Variants in PRPS2 observed in about 807,000 individuals in gnomAD.
PRPS2 encodes the protein phosphoribosyl pyrophosphate synthetase 2.
For missense variants in PRPS2, 104 were observed against 271.5 expected (o/e 0.38, Z 4.34); for synonymous variants, 111 against 115.3 (o/e 0.96, Z 0.24).
intron 1 of PRPS2, among the ~76,000 whole-genome samples, chrX:12,792,064 A>G (rs1435473697): frequency 1.8e-5 from 2 of 113,076 alleles, no homozygotes; most frequent in East Asian, 2.8e-4. Flanking sequence ...CCGCGTCCCT[A>G]CAAAGCTGAA....
intron 4 of PRPS2, among the ~76,000 whole-genome samples, chrX:12,810,850 TAA>T (rs540857235): frequency 3.1e-4 from 28 of 89,457 alleles, no homozygotes; most frequent in Non-Finnish European, 2.9e-4. Flanking sequence ...ACCCTGACTC[TAA>T]AAAAAAAAAA....
chrX:12,804,676 T>A (rs777029430), intron 2 of PRPS2, among the ~76,000 whole-genome samples: 50 of 110,872 alleles, frequency 4.5e-4, no homozygotes, highest in Admixed American at 3.6e-3. Context: ...CCAAGCATGA[T>A]TGGGGTGGGG....
intron 4 of PRPS2, among the ~76,000 whole-genome samples, chrX:12,815,247 G>A (rs2042641663): frequency 9.0e-6 from 1 of 111,470 alleles, no homozygotes; most frequent in African/African-American, 3.3e-5. Context: ...CAAGTGAGAT[G>A]TCTGTGTCCC....
intron 2 of PRPS2, among the ~76,000 whole-genome samples, chrX:12,808,976 G>A (rs1219741704): frequency 8.9e-6 from 1 of 112,189 alleles, no homozygotes; most frequent in Non-Finnish European, 1.9e-5. Context: ...ATGTACATAT[G>A]TTTAACTGTT....
intron 4 of PRPS2, among the ~76,000 whole-genome samples, chrX:12,818,672 A>C (rs1375330729): frequency 8.9e-6 from 1 of 112,228 alleles, no homozygotes; most frequent in African/African-American, 3.2e-5. Flanking sequence ...GCTAAATTGC[A>C]TAATGACTGT....
At chrX:12,793,491 A>G (rs2042529495) in intron 1 of PRPS2, among the ~76,000 whole-genome samples, 1 of 112,748 alleles carries the variant, frequency 8.9e-6, no homozygotes, top group Non-Finnish European at 1.9e-5. Flanking sequence ...CTCAAAAACC[A>G]CTCAGCATGA....
intron 3 of PRPS2, 81 bp from the exon 4 acceptor site, chrX:12,809,941 G>A: frequency 9.4e-7 from 1 of 1,063,977 alleles, no homozygotes; most frequent in East Asian, 3.4e-5. Flanking sequence ...GTTATTTAAT[G>A]AAAGCGATTA....
At chrX:12,804,251 C>T in intron 2 of PRPS2, among the ~76,000 whole-genome samples, 2 of 109,508 alleles carry the variant, frequency 1.8e-5, no homozygotes, top group Middle Eastern at 9.2e-3. Flanking sequence ...AAGCAATTCT[C>T]CTGCCTCAGC....
chrX:12,792,868 T>G (rs2042526584), intron 1 of PRPS2, among the ~76,000 whole-genome samples: 1 of 112,651 alleles, frequency 8.9e-6, no homozygotes, highest in African/African-American at 3.2e-5. Flanking sequence ...ATGTTAATAC[T>G]GATGGGGAAG....
At chrX:12,794,789 A>G (rs62589392) in intron 1 of PRPS2, among the ~76,000 whole-genome samples, 15,520 of 111,549 alleles carry the variant, frequency 0.14, 828 homozygotes, top group Non-Finnish European at 0.17. Context: ...TGCTAGTCAT[A>G]TGAGAACTGA....
chrX:12,793,121 TTG>T lies in PRPS2; in HGVS notation c.122+1504_122+1505del, dbSNP rs916957466. Among the ~76,000 whole-genome samples the T allele has an allele frequency of 9.8e-5, 11 of 112,597 alleles. No individual in the cohort carries two copies. The Admixed American group carries it at 1.0e-3, about 11-fold the overall frequency. ...TGAGTGTTGCAGTATTTTGCCAGTC[TTG>T]TTCAAGTTTCAGTCGCTGTAAGAAC... On this transcript the variant is annotated intron_variant, in intron 1 of 6. Coordinates refer to ENST00000380668, the MANE Select transcript of PRPS2 (RefSeq NM_002765.5).
intron 4 of PRPS2, among the ~76,000 whole-genome samples, chrX:12,814,939 C>T (rs1362211999): frequency 1.8e-5 from 2 of 111,835 alleles, no homozygotes; most frequent in Non-Finnish European, 3.8e-5. Context: ...ATGGCACATG[C>T]ACCCACAGAG....
chrX:12,822,588 C>T, intron 6 of PRPS2, 116 bp from the exon 7 acceptor site: 2 of 673,987 alleles, frequency 3.0e-6, no homozygotes, highest in East Asian at 3.3e-5. Context: ...TTGATAGCAA[C>T]ACATCATGTA....
chrX:12,818,366 C>A (rs867047933), intron 4 of PRPS2, among the ~76,000 whole-genome samples: 280 of 62,466 alleles, frequency 4.5e-3, no homozygotes, highest in Middle Eastern at 0.011. Context: ...GAAACTGTCT[C>A]AAAAAAAAAA....
chrX:12,811,161 C>T (rs187815654), intron 4 of PRPS2, among the ~76,000 whole-genome samples: 1 of 112,549 alleles, frequency 8.9e-6, no homozygotes, highest in East Asian at 2.8e-4. Context: ...ACACAGTCCA[C>T]GCAGGCCCAG....
In PRPS2 at chrX:12,808,109, C is replaced by T. The variant is rs527501353; in HGVS notation, c.307-1125C>T. On this transcript the variant is annotated intron_variant, in intron 2 of 6. Transcript: ENST00000380668. ...GTCTGGATCTTCTGATCTCGTGATC[C>T]GCCCACCTCGGCCTCCCAAAGTGCT... Among the ~76,000 whole-genome samples, 5 of 111,069 alleles carry T rather than the reference C, an allele frequency of 4.5e-5. No homozygotes were observed. In the South Asian group the frequency reaches 1.1e-3, roughly 25 times the overall value.
At chrX:12,816,109 A>G (rs778201773) in intron 4 of PRPS2, among the ~76,000 whole-genome samples, 39 of 111,732 alleles carry the variant, frequency 3.5e-4, no homozygotes, top group Admixed American at 5.7e-4. Context: ...CTGAAGAATG[A>G]GTGTTTTAAG....
rs1425464619 is a variant in PRPS2, at chrX:12,805,061, G to T, written c.307-4173G>T. 7.1e-5 allele frequency among the ~76,000 whole-genome samples: 8 copies of T among 112,149 alleles called. No individual in the cohort carries two copies. In the East Asian group the frequency reaches 2.2e-3, roughly 31 times the overall value. Reference sequence around the variant, plus strand: ...CTTTTTAAGCAAGCCCTGCACATATGTAACATTTTATTTGGGGTTTTCTTT... The same window carrying T: ...CTTTTTAAGCAAGCCCTGCACATATTTAACATTTTATTTGGGGTTTTCTTT... On this transcript the variant is annotated intron_variant, in intron 2 of 6. Coordinates refer to ENST00000380668, the MANE Select transcript of PRPS2 (RefSeq NM_002765.5).
intron 2 of PRPS2, among the ~76,000 whole-genome samples, chrX:12,805,682 A>G (rs1054054493): frequency 3.6e-5 from 4 of 112,489 alleles, no homozygotes; most frequent in African/African-American, 9.7e-5. Context: ...AGGTTATGCA[A>G]AAACAGGCTG....
Sources: gnomAD v4.1 joint callset for allele counts (sites outside exome capture counted in the v4.1 genomes callset) on GRCh38, gnomAD v4.1.1 for gene constraint, MANE v1.5 for transcripts, NCBI Gene and HGNC (gene_info 2026-07-23, HGNC 2026-07-21) for gene names.